SON: variants seen among roughly 807,000 people sequenced by gnomAD.
SON encodes SON DNA and RNA binding protein.
SON carries 4 observed loss-of-function variants against 173.3 expected under a neutral mutation model. That is an observed-to-expected ratio of 0.02 (90% CI 0.01 to 0.05). The LOEUF (loss-of-function observed/expected upper bound fraction) is 0.05. Among genes scored for constraint, SON ranks in the 10% least tolerant of loss-of-function variants. SON has a pLI of 1.00. For missense variants in SON, 2,626 were observed against 3,055.3 expected (o/e 0.86, Z 3.31); for synonymous variants, 1,190 against 1,105.9 (o/e 1.08, Z -1.51).
intron 11 of SON, 151 bp from the exon 12 acceptor site, chr21:33,576,214 A>G (rs2086396991): frequency 2.3e-6 from 1 of 444,258 alleles, no homozygotes; most frequent in Non-Finnish European, 3.8e-6. Flanking sequence ...TTCCCAAATG[A>G]TTTGGTTCTT....
chr21:33,546,863 A>G (rs537005354), intron 2 of SON: 1 of 152,360 alleles, frequency 6.6e-6, no homozygotes, highest in Non-Finnish European at 1.5e-5. Context: ...TTTTCCTTCC[A>G]TACTTCCACT....
rs1022837790 is a variant in SON, at chr21:33,546,169, G to A, written c.78-44G>A. The A allele has an allele frequency of 2.0e-6, 3 of 1,498,834 alleles. No individual in the cohort carries two copies. In the African/African-American group the frequency reaches 4.3e-5, roughly 21 times the overall value. 92.8% of individuals were successfully genotyped at this position (1,498,834 alleles called of 1,614,324 possible). ...AATTAATTGGATTTTTTTATTAATG[G>A]TATGATAAAATATTAATGAATTTCG... On this transcript the variant is annotated intron_variant, in intron 1 of 11. Transcript: ENST00000356577.
chr21:33,570,455 G>A (rs569885980), intron 8 of SON, among the ~76,000 whole-genome samples: 11 of 152,104 alleles, frequency 7.2e-5, no homozygotes, highest in Non-Finnish European at 1.3e-4. Context: ...TTGGGAAGTA[G>A]TTGCACTGAT....
rs1204966443 is a variant in SON at position 33,553,585 on chromosome 21, G to A, written c.4354G>A (p.Val1452Ile). ...GACTGTGACAGTTTCAGAGCCTGCT[G>A]TCACAGTCTCAGAGCAGACTCAAGT... ...ESTVTVSEPA[V>I]TVSEQTQVIP... Residue 1452 changes from valine (V) to isoleucine (I), a missense_variant, in exon 3 of 12, where the codon GTC becomes ATC. This residue lies in a region of SON where 1,006 missense variants were observed against 895.6 expected (regional missense o/e 1.12). Coordinates refer to ENST00000356577, the MANE Select transcript of SON (RefSeq NM_138927.4). 7.4e-6 allele frequency: 12 copies of A among 1,614,118 alleles called. No individual in the cohort carries two copies. The highest frequency in any genetic ancestry group is 1.0e-5 in the Non-Finnish European group (12 of 1,180,016).
At position 33,552,211 on chromosome 21, in the gene SON, G is replaced by A. The variant is rs761427151; in HGVS notation, c.2980G>A (p.Ala994Thr). 6 of 1,614,148 alleles carry A rather than the reference G, an allele frequency of 3.7e-6. No individual in the cohort carries two copies. Among genetic ancestry groups the A allele is most frequent in the Non-Finnish European group, 5.1e-6 (6 of 1,180,028 alleles). The part of the protein sequence containing the change: ...YRLAPRPLML[A>T]SRRSMMMSYA... ...GTTAGCACCTAGACCCCTGATGTTA[G>A]CATCTAGACGTTCTATGATGATGTC... Residue 994 changes from alanine to threonine, a missense_variant, in exon 3 of 12, where the codon GCA becomes ACA. By Grantham distance (58) the Ala-to-Thr change is moderately conservative. Transcript: ENST00000356577. The surrounding 1 kb of genome is among the most constrained non-coding windows in gnomAD (Gnocchi z 5.6).
chr21:33,568,547 A>AC (rs749797898), intron 7 of SON, among the ~76,000 whole-genome samples: 24 of 152,106 alleles, frequency 1.6e-4, no homozygotes, highest in Non-Finnish European at 2.8e-4. Flanking sequence ...CTACATTTAA[A>AC]CTCTTTAAAC....
Position 33,557,212 on chromosome 21 carries a change from G to A in SON, c.6217G>A (p.Ala2073Thr). ...TAATGCAGCTGCCATGTGTGCTAAG[G>A]CTGGTGTCCCTTTACCACCAAACCT... ...KANAAAMCAK[A>T]GVPLPPNLKP... Residue 2073 changes from alanine (A) to threonine (T), a missense_variant, in exon 4 of 12, where the codon GCT becomes ACT. Ala to Thr is a moderately conservative substitution (Grantham distance 58). Around this residue, in one of 13 missense-constraint regions of SON, gnomAD observed 5 missense variants for 31.7 expected, o/e 0.16. Transcript: ENST00000356577. 1 of 1,613,066 alleles carries A rather than the reference G, an allele frequency of 6.2e-7. No individual in the cohort carries two copies. Among genetic ancestry groups the A allele is most frequent in the Middle Eastern group, 1.7e-4 (1 of 5,906 alleles).
chr21:33,562,533 G>A (rs763206787), intron 6 of SON, among the ~76,000 whole-genome samples: 1 of 152,140 alleles, frequency 6.6e-6, no homozygotes, highest in Non-Finnish European at 1.5e-5. Context: ...TCTTGCATAT[G>A]AATGCTCTTT....
intron 6 of SON, among the ~76,000 whole-genome samples, chr21:33,566,911 T>G (rs2086184313): frequency 1.3e-5 from 2 of 152,168 alleles, no homozygotes; most frequent in Admixed American, 1.3e-4. Flanking sequence ...AATAGAAAAT[T>G]GACTAAATTC....
At chr21:33,548,977 T>G (rs775747225) in intron 2 of SON, among the ~76,000 whole-genome samples, 5 of 152,208 alleles carry the variant, frequency 3.3e-5, no homozygotes, top group African/African-American at 1.2e-4. Context: ...AGGCATTAGT[T>G]GTGGAAAGAA....
chr21:33,559,494 T>A lies in SON; in HGVS notation c.6469-93T>A. The A allele has an allele frequency of 1.4e-6, 2 of 1,451,358 alleles. No individual in the cohort carries two copies. The highest frequency in any genetic ancestry group is 1.9e-6 in the Non-Finnish European group (2 of 1,069,630). 89.9% of individuals were successfully genotyped at this position (1,451,358 alleles called of 1,614,324 possible). A position where few individuals can be genotyped will look rare whatever the true frequency, so the allele number is the denominator to read the frequency against. The stretch of plus-strand genomic sequence containing the variant: ...TTTAAATACTGTGAGAAATAATGGA[T>A]AATATCATTTCCTTCAGATTATGTA... On this transcript the variant is annotated intron_variant, in intron 5 of 11. Transcript: ENST00000356577. This position sits in a 1 kb window ranked among gnomAD's most constrained non-coding sequence, Gnocchi z 4.1.
rs778411783 is a variant in SON, at chr21:33,554,939, A to G, written c.5708A>G (p.Glu1903Gly). 2 of 1,613,920 alleles carry G rather than the reference A, an allele frequency of 1.2e-6. No homozygotes were observed. The highest frequency in any genetic ancestry group is 1.3e-5 in the African/African-American group (1 of 74,916). ...CCAAAGCACAGATCCAAGTCTAGGG[A>G]AAGAAAAAGAAAAAGATCAAGCTCC... Reference protein sequence around the residue: ...RSPKHRSKSRERKRKRSSSRD... With the variant: ...RSPKHRSKSRGRKRKRSSSRD... The change falls in exon 3 of 12, where the codon GAA becomes GGA. Residue 1903 changes from glutamate (E) to glycine (G), a missense_variant. By Grantham distance (98) the Glu-to-Gly change is moderately conservative (BLOSUM62 -2). Around this residue, in one of 13 missense-constraint regions of SON, gnomAD observed 1,006 missense variants for 895.6 expected, o/e 1.12. Coordinates refer to ENST00000356577, the MANE Select transcript of SON (RefSeq NM_138927.4).
Position 33,551,403 on chromosome 21 carries a change from T to C in SON, c.2172T>C (p.His724=), listed in dbSNP as rs1374236491. 7.4e-6 allele frequency: 12 copies of C among 1,614,106 alleles called. No individual in the cohort carries two copies. Among genetic ancestry groups the C allele is most frequent in the Non-Finnish European group, 9.3e-6 (11 of 1,179,984 alleles). The change falls in exon 3 of 12, where the codon CAT becomes CAC. Residue 724 remains histidine, a synonymous_variant. Coordinates refer to ENST00000356577, the MANE Select transcript of SON (RefSeq NM_138927.4). ...TAGCTTCTAACACCATGGAGACCCA[T>C]ATATTAGCATCCAACACCATGGACT... is the stretch of plus-strand genomic sequence containing the variant. The part of the protein sequence containing the change: ...HILASNTMET[H]ILASNTMDSQ...
At chr21:33,569,879 T>TA (rs1433032358) in intron 8 of SON, 1 of 186,400 alleles carries the variant, frequency 5.4e-6, no homozygotes, top group Non-Finnish European at 1.1e-5. Flanking sequence ...ACAAAACAGA[T>TA]ATGTAAGACC....
At position 33,559,706 on chromosome 21, in the gene SON, T is replaced by A. The variant is rs1357237841; in HGVS notation, c.6588T>A (p.Val2196=). The A allele has an allele frequency of 6.2e-7, 1 of 1,614,092 alleles. No individual in the cohort carries two copies. Among genetic ancestry groups the A allele is most frequent in the African/African-American group, 1.3e-5 (1 of 74,932 alleles). Residue 2196 remains valine (V), a synonymous_variant, in exon 6 of 12, where the codon GTT becomes GTA. Coordinates refer to ENST00000356577, the MANE Select transcript of SON (RefSeq NM_138927.4). This position sits in a 1 kb window ranked among gnomAD's most constrained non-coding sequence, Gnocchi z 4.1. ...KEADSVYGEW[V]PVEKNGEENK... ...CGGATAGTGTTTATGGAGAATGGGT[T>A]CCTGTGGAGAAAAATGGTGAAGAAA...
At position 33,550,780 on chromosome 21, in the gene SON, G is replaced by A. The variant is rs780551520; in HGVS notation, c.1549G>A (p.Val517Met). The A allele has an allele frequency of 3.0e-5, 48 of 1,614,230 alleles. No homozygotes were observed. Among genetic ancestry groups the A allele is most frequent in the Non-Finnish European group, 3.8e-5 (45 of 1,180,030 alleles). ...PVTTTELEQPVGMTTVEHPGH... is the reference protein window; with the variant it reads ...PVTTTELEQPMGMTTVEHPGH... The stretch of plus-strand genomic sequence containing the variant: ...GACGACGACAGAGTTGGAGCAGCCT[G>A]TGGGGATGACAACGGTGGAACATCC... Residue 517 changes from valine to methionine, a missense_variant, in exon 3 of 12, where the codon GTG becomes ATG. Coordinates refer to ENST00000356577, the MANE Select transcript of SON (RefSeq NM_138927.4).
Position 33,551,178 on chromosome 21 carries a change from G to A in SON, c.1947G>A (p.Val649=). 1 of 1,614,060 alleles carries A rather than the reference G, an allele frequency of 6.2e-7. No homozygotes were observed. The highest frequency in any genetic ancestry group is 8.5e-7 in the Non-Finnish European group (1 of 1,179,938). The part of the protein sequence containing the change: ...PELPGQPVAT[V]ALEISVQSVV... ...TGCCTGGGCAGCCTGTGGCAACTGT[G>A]GCGCTGGAGATCTCTGTTCAGTCTG... The change falls in exon 3 of 12, where the codon GTG becomes GTA. Residue 649 remains valine (V), a synonymous_variant. Coordinates refer to ENST00000356577, the MANE Select transcript of SON (RefSeq NM_138927.4).
chr21:33,569,788 A>G, intron 8 of SON: 1 of 264,112 alleles, frequency 3.8e-6, no homozygotes. Flanking sequence ...GATGGGATGG[A>G]GATTAATCTG....
At chr21:33,575,982 T>C (rs1330344961) in intron 11 of SON, 89 bp downstream of exon 11, 2 of 668,690 alleles carry the variant, frequency 3.0e-6, no homozygotes, top group Non-Finnish European at 5.0e-6. Context: ...GGATTAAGAT[T>C]CTGTTCATGG....
Sources: allele counts gnomAD v4.1 joint callset (sites outside exome capture counted in the v4.1 genomes callset), GRCh38; gene constraint gnomAD v4.1.1; regional missense constraint gnomAD v4.1.1; non-coding constraint Gnocchi (gnomAD v3.1); transcripts MANE v1.5; gene names NCBI Gene and HGNC (gene_info 2026-07-23, HGNC 2026-07-21).